AP2A1: variants seen among roughly 807,000 people sequenced by gnomAD.
The protein encoded by AP2A1 is adaptor related protein complex 2 subunit alpha 1.
AP2A1 carries 21 observed loss-of-function variants against 107.3 expected under a neutral mutation model. That is an observed-to-expected ratio of 0.20 (90% CI 0.14 to 0.28). The LOEUF is 0.28. Among genes scored for constraint, AP2A1 ranks in the 10% least tolerant of loss-of-function variants. AP2A1 has a pLI of 1.00. For synonymous variants in AP2A1, 602 were observed against 564.8 expected, an observed-to-expected ratio of 1.07 and a Z score of -0.93; for missense variants, 873 against 1,307.7, an observed-to-expected ratio of 0.67 and a Z score of 5.13.
At chr19:49,804,877 G>C (rs2241040) in intron 18 of AP2A1, 66,105 of 152,076 alleles carry the variant, frequency 0.43, 14,573 homozygotes, top group South Asian at 0.52. Context: ...CGCCACACCC[G>C]GCTGGATTAT....
chr19:49,804,686 A>T (rs2073338247), intron 18 of AP2A1: 2 of 152,108 alleles, frequency 1.3e-5, no homozygotes, highest in African/African-American at 4.8e-5. Flanking sequence ...ACTAATTGCT[A>T]CCATCTTTGT....
intron 15 of AP2A1, chr19:49,802,413 T>C: frequency 1.9e-6 from 2 of 1,057,626 alleles, no homozygotes; most frequent in Non-Finnish European, 2.8e-6. Flanking sequence ...CTTTTCTCCT[T>C]CTCTCCTTCC....
rs369520485 is a variant in AP2A1, at chr19:49,803,415, C to T, written c.2344+39C>T. On this transcript the variant is annotated intron_variant, in intron 18 of 22. Transcript: ENST00000354293. ...CCCGGCCCAGCCTCCTGCCTCTCCA[C>T]GTCGGCCTTCCTCACCGTGGGGAAG... is the stretch of plus-strand genomic sequence containing the variant. 1.3e-5 allele frequency: 21 copies of T among 1,573,806 alleles called. No individual in the cohort carries two copies. In the African/African-American group the frequency reaches 2.0e-4, roughly 15 times the overall value.
intron 5 of AP2A1, 37 bp from the exon 6 acceptor site, chr19:49,792,954 C>T (rs2073165131): frequency 2.6e-6 from 4 of 1,540,674 alleles, no homozygotes; most frequent in Non-Finnish European, 3.5e-6. Context: ...TACCACCTCC[C>T]CCAGGGGCCT....
rs751706819 is a variant in AP2A1, at chr19:49,806,107, C to T, written c.2656-12C>T. 1.9e-6 allele frequency: 3 copies of T among 1,568,112 alleles called. No individual in the cohort carries two copies. The Admixed American group carries it at 5.7e-5, about 30-fold the overall frequency. ...CTCTGGCACACTCTGACGGCGCCCC[C>T]CCTCCTCCCAGCTTCTGGGGTTTGG... On this transcript the variant is annotated splice_polypyrimidine_tract_variant and intron_variant, in intron 21 of 22. Coordinates refer to ENST00000354293, the MANE Select transcript of AP2A1 (RefSeq NM_130787.3).
intron 7 of AP2A1, chr19:49,796,122 C>A: frequency 4.3e-6 from 1 of 232,872 alleles, no homozygotes; most frequent in Non-Finnish European, 8.6e-6. Flanking sequence ...CCTGAATTAC[C>A]ATAGCCCTGT....
chr19:49,787,354 G>T (rs10421913), intron 4 of AP2A1, among the ~76,000 whole-genome samples: 28,271 of 92,190 alleles, frequency 0.31, 4,333 homozygotes, highest in South Asian at 0.46. Context: ...TTTGTTTTTT[G>T]TTTTTTTTTT....
chr19:49,799,956 C>T lies in AP2A1; in HGVS notation c.1273-12C>T. On this transcript the variant is annotated splice_polypyrimidine_tract_variant and intron_variant, in intron 10 of 22. Transcript: ENST00000354293. Reference sequence around the variant, plus strand: ...CCTGCGGCACACTCTCTCTCACACGCCCCGGCGGCAGGTCCTGAAGGTGGC... The same window carrying T: ...CCTGCGGCACACTCTCTCTCACACGTCCCGGCGGCAGGTCCTGAAGGTGGC... 2 of 1,611,926 alleles carry T rather than the reference C, an allele frequency of 1.2e-6. No individual in the cohort carries two copies. Among genetic ancestry groups the T allele is most frequent in the East Asian group, 2.2e-5 (1 of 44,808 alleles).
In AP2A1 at chr19:49,802,639, G is replaced by A. The variant is rs758879123; in HGVS notation, c.2115-310G>A. 9.3e-6 allele frequency: 14 copies of A among 1,497,596 alleles called. No individual in the cohort carries two copies. In the East Asian group the frequency reaches 1.4e-4, roughly 15 times the overall value. 92.8% of individuals were successfully genotyped at this position (1,497,596 alleles called of 1,614,324 possible). ...GGGGTGGGAGGTCGGTCGGGGGGGC[G>A]GACTCGGGTGTCCCCAGGGAGAGTT... On this transcript the variant is annotated intron_variant, in intron 15 of 22. Transcript: ENST00000354293.
In AP2A1 at chr19:49,799,955, G is replaced by GCC. The variant is rs761892112; in HGVS notation, c.1273-10_1273-9dup. ...GCCTGCGGCACACTCTCTCTCACAC[G>GCC]CCCCGGCGGCAGGTCCTGAAGGTGG... On this transcript the variant is annotated splice_polypyrimidine_tract_variant and intron_variant, in intron 10 of 22. Coordinates refer to ENST00000354293, the MANE Select transcript of AP2A1 (RefSeq NM_130787.3). 1 of 1,611,446 alleles carries GCC rather than the reference G, an allele frequency of 6.2e-7. No homozygotes were observed.
intron 4 of AP2A1, among the ~76,000 whole-genome samples, chr19:49,786,530 C>T (rs748775602): frequency 1.3e-5 from 2 of 152,190 alleles, no homozygotes; most frequent in South Asian, 2.1e-4. Flanking sequence ...CAGGTGTTAA[C>T]TGGGAATTCC....
chr19:49,781,048 C>T (rs893923769), intron 1 of AP2A1, among the ~76,000 whole-genome samples: 3 of 152,054 alleles, frequency 2.0e-5, no homozygotes, highest in Non-Finnish European at 4.4e-5. Flanking sequence ...GGATTGTGCT[C>T]TGAAGGGGGT....
At position 49,795,593 on chromosome 19, in the gene AP2A1, CCCAGCCCCCAACTTATTTCTTGCTCTT is replaced by C; in HGVS notation, c.706-34_706-8del. ...ATGTGGACCCACGTGCCCCTCCCACCCCAGCCCCCAACTTATTTCTTGCTCTTCCCCGCCAGATCGTCTCCTCTGCCT... is the reference window on the plus strand; with the variant it reads ...ATGTGGACCCACGTGCCCCTCCCACCCCCCGCCAGATCGTCTCCTCTGCCT... On this transcript the variant is annotated splice_polypyrimidine_tract_variant and intron_variant, in intron 6 of 22. Coordinates refer to ENST00000354293, the MANE Select transcript of AP2A1 (RefSeq NM_130787.3). 1 of 898,328 alleles carries C rather than the reference CCCAGCCCCCAACTTATTTCTTGCTCTT, an allele frequency of 1.1e-6. No homozygotes were observed. Among genetic ancestry groups the C allele is most frequent in the Non-Finnish European group, 1.8e-6 (1 of 559,486 alleles). 55.6% of individuals were successfully genotyped at this position (898,328 alleles called of 1,614,324 possible). A position where few individuals can be genotyped will look rare whatever the true frequency, so the allele number is the denominator to read the frequency against.
chr19:49,777,128 G>C (rs545518834), intron 1 of AP2A1, among the ~76,000 whole-genome samples: 2 of 151,538 alleles, frequency 1.3e-5, no homozygotes, highest in African/African-American at 2.4e-5. Flanking sequence ...CCAACTGCTC[G>C]GGAGGCTGAG....
intron 1 of AP2A1, among the ~76,000 whole-genome samples, chr19:49,771,716 G>C (rs577730632): frequency 2.0e-5 from 3 of 151,938 alleles, no homozygotes; most frequent in African/African-American, 7.2e-5. Flanking sequence ...GCCGTATCTC[G>C]ATTTTTTTTT....
At chr19:49,802,554 C>G (rs373662953) in intron 15 of AP2A1, 3 of 1,606,632 alleles carry the variant, frequency 1.9e-6, no homozygotes, top group Non-Finnish European at 2.5e-6. Flanking sequence ...CCGCCTGCCC[C>G]CGAGAGCCCC....
chr19:49,778,809 TTAAA>T (rs1243594389), intron 1 of AP2A1, among the ~76,000 whole-genome samples: 1 of 151,832 alleles, frequency 6.6e-6, no homozygotes, highest in African/African-American at 2.4e-5. Flanking sequence ...ATACATATAT[TTAAA>T]TAACACATAT....
intron 4 of AP2A1, among the ~76,000 whole-genome samples, chr19:49,786,665 G>T (rs1335518756): frequency 6.6e-6 from 1 of 152,220 alleles, no homozygotes; most frequent in Non-Finnish European, 1.5e-5. Context: ...AGAATGCTAA[G>T]AACTTTGATG....
At chr19:49,806,615 C>T (rs2073394398) in intron 22 of AP2A1, 66 bp from the exon 23 acceptor site, 1 of 1,606,826 alleles carries the variant, frequency 6.2e-7, no homozygotes, top group Non-Finnish European at 8.5e-7. Context: ...CTTCTATCTC[C>T]CTTGGGTCCC....
Sources: gnomAD v4.1 joint callset for allele counts (sites outside exome capture counted in the v4.1 genomes callset) on GRCh38, gnomAD v4.1.1 for gene constraint, MANE v1.5 for transcripts, NCBI Gene and HGNC (gene_info 2026-07-23, HGNC 2026-07-21) for gene names.